The following RYR1 variants were observed in gnomAD, a reference collection of about 807,000 sequenced individuals.
RYR1 encodes ryanodine receptor 1.
In RYR1, 342 loss-of-function variants were observed where a neutral mutation model predicts 583.5. The ratio of observed to expected loss-of-function variants is 0.59; its 90% CI spans 0.54 to 0.64. The LOEUF (loss-of-function observed/expected upper bound fraction) is 0.64, where lower values mean the gene tolerates loss of function less well. RYR1 is among the 30% of genes least tolerant of loss of function. RYR1 has a pLI of 0.00. For missense variants in RYR1, 6,032 were observed against 6,917.2 expected (o/e 0.87, Z 4.54); for synonymous variants, 2,791 against 2,822.5 (o/e 0.99, Z 0.35).
chr19:38,557,254 T>A (rs1245149842), intron 89 of RYR1, among the ~76,000 whole-genome samples: 2 of 152,032 alleles, frequency 1.3e-5, no homozygotes, highest in Non-Finnish European at 2.9e-5. Flanking sequence ...ACTTGACAAA[T>A]GAGTATGAGT....
chr19:38,489,256 A>G lies in RYR1; in HGVS notation c.5627A>G (p.Glu1876Gly). The G allele has an allele frequency of 6.2e-7, 1 of 1,612,208 alleles. No homozygotes were observed. Among genetic ancestry groups the G allele is most frequent in the Non-Finnish European group, 8.5e-7 (1 of 1,178,744 alleles). ...CCTGAGGTCTTCACTGAGGAAGAAGAGGAGGAGGACGAGGAGGAAGAGGGT... is the reference window on the plus strand; with the variant it reads ...CCTGAGGTCTTCACTGAGGAAGAAGGGGAGGAGGACGAGGAGGAAGAGGGT... The part of the protein sequence containing the change: ...IEPEVFTEEE[E>G]EEDEEEEGEE... The change falls in exon 35 of 106, where the codon GAG becomes GGG. Residue 1876 changes from glutamate to glycine, a missense_variant. Coordinates refer to ENST00000359596, the MANE Select transcript of RYR1 (RefSeq NM_000540.3).
Position 38,485,977 on chromosome 19 carries a change from G to T in RYR1, c.5322G>T (p.Pro1774=), listed in dbSNP as rs572516017. 23 of 1,613,540 alleles carry T rather than the reference G, an allele frequency of 1.4e-5. No homozygotes were observed. The highest frequency in any genetic ancestry group is 1.9e-5 in the Non-Finnish European group (22 of 1,179,952). ...GVGVTTSLRP[P]HHFSPPCFVA... The stretch of plus-strand genomic sequence containing the variant: ...GAGTCACCACTTCGCTGAGGCCCCC[G>T]CATCATTTCTCGCCCCCCTGTTTCG... Residue 1774 remains proline, a synonymous_variant, in exon 34 of 106, where the codon CCG becomes CCT. Coordinates refer to ENST00000359596, the MANE Select transcript of RYR1 (RefSeq NM_000540.3).
Position 38,560,729 on chromosome 19 carries a change from CAAAAAAA to C in RYR1, c.12283-369_12283-363del, listed in dbSNP as rs765130460. On this transcript the variant is annotated intron_variant, in intron 89 of 105. Coordinates refer to ENST00000359596, the MANE Select transcript of RYR1 (RefSeq NM_000540.3). ...GGGCGACAAGAGCGAAACTCCGTCT[CAAAAAAA>C]AAAAAAAAAAAAAAGAGAAAGAAAA... 1.9e-3 allele frequency among the ~76,000 whole-genome samples: 73 copies of C among 38,076 alleles called. 1 individual carries two copies. Among genetic ancestry groups the C allele is most frequent in the South Asian group, 2.1e-3 (2 of 962 alleles). 25.0% of individuals were successfully genotyped at this position (38,076 alleles called of 152,430 possible).
At position 38,523,355 on chromosome 19, in the gene RYR1, G is replaced by A. The variant is rs370215713; in HGVS notation, c.10440+46G>A. 4.1e-5 allele frequency: 66 copies of A among 1,610,218 alleles called. No homozygotes were observed. In the African/African-American group the frequency reaches 8.2e-4, roughly 20 times the overall value. ...GGAGCACTTGGCAGAGAGGGCGGGA[G>A]CACCCTCTAGGACTTCCTACCTGGC... is the stretch of plus-strand genomic sequence containing the variant. On this transcript the variant is annotated intron_variant, in intron 69 of 105. Transcript: ENST00000359596.
In RYR1 at chr19:38,506,287, C is replaced by G; in HGVS notation, c.8542-16C>G. The G allele has an allele frequency of 6.2e-7, 1 of 1,613,746 alleles. No homozygotes were observed. Among genetic ancestry groups the G allele is most frequent in the Non-Finnish European group, 8.5e-7 (1 of 1,179,816 alleles). ...AGCCCATCAGCCCACCTCCCATCTTCCCCTTGTCCTCTCAGACCTATGATC... is the reference window on the plus strand; with the variant it reads ...AGCCCATCAGCCCACCTCCCATCTTGCCCTTGTCCTCTCAGACCTATGATC... On this transcript the variant is annotated splice_polypyrimidine_tract_variant and intron_variant, in intron 54 of 105. Transcript: ENST00000359596.
At chr19:38,484,527 A>T (rs956286516) in intron 33 of RYR1, among the ~76,000 whole-genome samples, 1 of 147,224 alleles carries the variant, frequency 6.8e-6, no homozygotes, top group African/African-American at 2.6e-5. Flanking sequence ...CCTATGTGCT[A>T]GGTAGTATTC....
At chr19:38,451,199 G>A (rs188099912) in intron 11 of RYR1, among the ~76,000 whole-genome samples, 44 of 152,376 alleles carry the variant, frequency 2.9e-4, no homozygotes, top group Admixed American at 5.2e-4. Context: ...AGCCAAGGGC[G>A]TAGAGACGGG....
In RYR1 at chr19:38,443,898, G is replaced by C. The variant is rs528639757; in HGVS notation, c.424+102G>C. Reference sequence around the variant, plus strand: ...CCAAGGCAAGCATGAGACTACCCTGGGGACATGAATGGGGGCTTCGTAGCA... The same window carrying C: ...CCAAGGCAAGCATGAGACTACCCTGCGGACATGAATGGGGGCTTCGTAGCA... On this transcript the variant is annotated intron_variant, in intron 5 of 105. Coordinates refer to ENST00000359596, the MANE Select transcript of RYR1 (RefSeq NM_000540.3). 200 of 1,127,298 alleles carry C rather than the reference G, an allele frequency of 1.8e-4. No homozygotes were observed. The South Asian group carries it at 2.3e-3, about 13-fold the overall frequency. The allele number at this position is 1,127,298 out of a possible 1,614,324, so 69.8% of individuals were successfully genotyped here.
rs1032194846 is a variant in RYR1 at position 38,496,149 on chromosome 19, A to G, written c.6549-66A>G. Reference sequence around the variant, plus strand: ...GGGTCAAGAATGCCAACGCTGTCACAGTGGTGGCTATGGCCCTCTCCGGAC... The same window carrying G: ...GGGTCAAGAATGCCAACGCTGTCACGGTGGTGGCTATGGCCCTCTCCGGAC... On this transcript the variant is annotated intron_variant, in intron 39 of 105. Coordinates refer to ENST00000359596, the MANE Select transcript of RYR1 (RefSeq NM_000540.3). The surrounding 1 kb of genome is among the most constrained non-coding windows in gnomAD (Gnocchi z 4.8). 2.3e-5 allele frequency: 29 copies of G among 1,282,768 alleles called. 1 individual carries two copies. In the South Asian group the frequency reaches 3.3e-4, roughly 15 times the overall value. 79.5% of individuals were successfully genotyped at this position (1,282,768 alleles called of 1,614,324 possible). A position where few individuals can be genotyped will look rare whatever the true frequency, so the allele number is the denominator to read the frequency against.
intron 94 of RYR1, among the ~76,000 whole-genome samples, chr19:38,570,931 G>A (rs1209615344): frequency 6.6e-6 from 1 of 152,220 alleles, no homozygotes; most frequent in Non-Finnish European, 1.5e-5. Flanking sequence ...GTTAGAGCAG[G>A]AGCAGGAGCT....
intron 27 of RYR1, among the ~76,000 whole-genome samples, chr19:38,471,671 TG>T (rs1196638291): frequency 2.6e-5 from 4 of 151,734 alleles, no homozygotes; most frequent in Non-Finnish European, 5.9e-5. Context: ...GAGGCCGATG[TG>T]GGTGGCTCAC....
At chr19:38,548,901 A>AT (rs1337046245) in intron 89 of RYR1, among the ~76,000 whole-genome samples, 1 of 152,182 alleles carries the variant, frequency 6.6e-6, no homozygotes, top group Non-Finnish European at 1.5e-5. Context: ...TATTTTGAGG[A>AT]TGAAATGCAT....
chr19:38,481,327 A>G (rs966961278), intron 31 of RYR1, among the ~76,000 whole-genome samples: 3 of 152,004 alleles, frequency 2.0e-5, no homozygotes, highest in Non-Finnish European at 2.9e-5. Context: ...GTGTTTTGCC[A>G]TGTTGCCCAG....
At chr19:38,522,444 A>G (rs1971265089) in intron 67 of RYR1, among the ~76,000 whole-genome samples, 1 of 152,050 alleles carries the variant, frequency 6.6e-6, no homozygotes, top group African/African-American at 2.4e-5. Context: ...CCTACAAAAA[A>G]TAAAATAAAA....
chr19:38,487,938 T>C (rs575877084), intron 34 of RYR1, among the ~76,000 whole-genome samples: 2 of 152,302 alleles, frequency 1.3e-5, no homozygotes, highest in Non-Finnish European at 2.9e-5. Flanking sequence ...AACCTAATTT[T>C]GTTTTTATTT....
At chr19:38,460,892 G>A (rs2145420659) in intron 20 of RYR1, among the ~76,000 whole-genome samples, 1 of 152,318 alleles carries the variant, frequency 6.6e-6, no homozygotes, top group South Asian at 2.1e-4. Flanking sequence ...GACTGAGGCA[G>A]GAGAATCGCT....
At chr19:38,562,904 C>T (rs1353388045) in intron 90 of RYR1, among the ~76,000 whole-genome samples, 1 of 152,210 alleles carries the variant, frequency 6.6e-6, no homozygotes, top group East Asian at 1.9e-4. Context: ...CCCTTGAGAT[C>T]TTGCACACTC....
chr19:38,527,109 A>G (rs369134168), intron 72 of RYR1, 57 bp downstream of exon 72: 118 of 1,582,882 alleles, frequency 7.5e-5, no homozygotes, highest in Middle Eastern at 1.7e-4. Flanking sequence ...CCACAATATT[A>G]GTGAAGGTTT....
At chr19:38,564,060 T>C (rs1973273327) in intron 90 of RYR1, among the ~76,000 whole-genome samples, 1 of 152,234 alleles carries the variant, frequency 6.6e-6, no homozygotes, top group Non-Finnish European at 1.5e-5. Context: ...TAAAGCTCTC[T>C]CTATAGGTTT....
Sources: gnomAD v4.1 joint callset for allele counts (sites outside exome capture counted in the v4.1 genomes callset) on GRCh38, gnomAD v4.1.1 for gene constraint, Gnocchi (gnomAD v3.1) non-coding constraint, MANE v1.5 for transcripts, NCBI Gene and HGNC (gene_info 2026-07-23, HGNC 2026-07-21) for gene names.